Variants in MAGI2 observed in about 807,000 individuals in gnomAD.
MAGI2 encodes membrane-associated guanylate kinase, WW and PDZ domain-containing protein 2.
In MAGI2, 35 loss-of-function variants were observed where a neutral mutation model predicts 133.3. That is an observed-to-expected ratio of 0.26 (90% CI 0.20 to 0.35). MAGI2 has a LOEUF of 0.35. MAGI2 is among the 10% of genes least tolerant of loss of function. MAGI2 has a pLI of 1.00. For synonymous variants in MAGI2, 729 were observed against 710.6 expected (o/e 1.03, Z -0.41); for missense variants, 1,636 against 1,863.4 (o/e 0.88, Z 2.25).
intron 1 of MAGI2, among the ~76,000 whole-genome samples, chr7:79,383,709 T>C (rs1003711678): frequency 6.6e-6 from 1 of 151,540 alleles, no homozygotes; most frequent in Non-Finnish European, 1.5e-5. Context: ...AGGAAATCTG[T>C]TAATAGTAAA....
intron 21 of MAGI2, among the ~76,000 whole-genome samples, chr7:78,077,319 G>T (rs930035434): frequency 6.6e-6 from 1 of 151,990 alleles, no homozygotes; most frequent in African/African-American, 2.4e-5. Context: ...AGTGCAAAAG[G>T]TTATTCTATT....
chr7:78,312,689 G>C lies in MAGI2; in HGVS notation c.1408+31089C>G, dbSNP rs1404314668. Among the ~76,000 whole-genome samples, 5 of 152,098 alleles carry C rather than the reference G, an allele frequency of 3.3e-5. No individual in the cohort carries two copies. The East Asian group carries it at 9.6e-4, about 29-fold the overall frequency. On this transcript the variant is annotated intron_variant, in intron 9 of 21. Coordinates refer to ENST00000354212, the MANE Select transcript of MAGI2 (RefSeq NM_012301.4). ...AAAACGAAATGCTTATACACTGCTGGTGGGAATGTCAATTAGTTCAACTTC... is the reference window on the plus strand; with the variant it reads ...AAAACGAAATGCTTATACACTGCTGCTGGGAATGTCAATTAGTTCAACTTC...
intron 1 of MAGI2, among the ~76,000 whole-genome samples, chr7:79,118,966 A>G (rs1247335827): frequency 1.3e-5 from 2 of 152,184 alleles, no homozygotes; most frequent in East Asian, 1.9e-4. Flanking sequence ...TCAATTAAGT[A>G]GAAGTCTTTA....
At chr7:78,432,085 A>G (rs112791283) in intron 6 of MAGI2, among the ~76,000 whole-genome samples, 16,349 of 151,974 alleles carry the variant, frequency 0.11, 917 homozygotes, top group African/African-American at 0.12. Context: ...TAATTTCTTC[A>G]TACAACACAT....
intron 16 of MAGI2, among the ~76,000 whole-genome samples, chr7:78,140,837 A>G (rs1345492671): frequency 2.0e-5 from 3 of 152,258 alleles, no homozygotes; most frequent in Non-Finnish European, 4.4e-5. Flanking sequence ...TAAAGCCAAC[A>G]CATGGTATTT....
At chr7:78,284,215 C>G (rs1358377247) in intron 9 of MAGI2, among the ~76,000 whole-genome samples, 1 of 151,986 alleles carries the variant, frequency 6.6e-6, no homozygotes, top group Non-Finnish European at 1.5e-5. Flanking sequence ...TTAAACCTTC[C>G]CCTAGGCAAA....
At chr7:79,140,740 G>A (rs1822048522) in intron 1 of MAGI2, among the ~76,000 whole-genome samples, 1 of 151,930 alleles carries the variant, frequency 6.6e-6, no homozygotes, top group East Asian at 1.9e-4. Flanking sequence ...CTCTTAATAT[G>A]GCTTTGATCT....
intron 2 of MAGI2, among the ~76,000 whole-genome samples, chr7:78,645,234 A>C (rs1306854687): frequency 6.6e-6 from 1 of 152,142 alleles, no homozygotes; most frequent in Non-Finnish European, 1.5e-5. Flanking sequence ...ATATTTAAGA[A>C]AGAAATAATG....
intron 1 of MAGI2, among the ~76,000 whole-genome samples, chr7:79,278,248 C>T (rs916175708): frequency 1.3e-5 from 2 of 152,272 alleles, no homozygotes; most frequent in South Asian, 4.1e-4. Context: ...GCCTGCTCCT[C>T]CTTCACCTTC....
At chr7:78,909,607 A>C (rs1420540881) in intron 2 of MAGI2, among the ~76,000 whole-genome samples, 1 of 149,558 alleles carries the variant, frequency 6.7e-6, no homozygotes, top group Non-Finnish European at 1.5e-5. Context: ...CATCTCAAAA[A>C]AAAAAAAAAA....
chr7:78,913,813 T>A (rs181227037), intron 2 of MAGI2, among the ~76,000 whole-genome samples: 48 of 152,260 alleles, frequency 3.2e-4, no homozygotes, highest in African/African-American at 1.1e-3. Flanking sequence ...GACATTTTTT[T>A]AAAAAAGGAA....
intron 9 of MAGI2, among the ~76,000 whole-genome samples, chr7:78,300,111 C>T (rs1358241182): frequency 6.6e-6 from 1 of 152,210 alleles, no homozygotes; most frequent in African/African-American, 2.4e-5. Context: ...TTGTTATCCA[C>T]AAAAATCACA....
chr7:79,390,878 C>T (rs562715735), intron 1 of MAGI2, among the ~76,000 whole-genome samples: 72 of 152,312 alleles, frequency 4.7e-4, no homozygotes, highest in Non-Finnish European at 8.2e-4. Context: ...AAAGAGCCTA[C>T]AGTACATTGT....
At chr7:79,047,981 C>G (rs1584785393) in intron 1 of MAGI2, among the ~76,000 whole-genome samples, 2 of 152,078 alleles carry the variant, frequency 1.3e-5, no homozygotes, top group Non-Finnish European at 2.9e-5. Context: ...TGTAAGTTTC[C>G]CACTACGATG....
intron 1 of MAGI2, among the ~76,000 whole-genome samples, chr7:79,441,188 A>G (rs1012987353): frequency 6.6e-6 from 1 of 152,234 alleles, no homozygotes; most frequent in Non-Finnish European, 1.5e-5. Flanking sequence ...AAACATGTGG[A>G]TACTTGAACA....
chr7:78,631,678 A>G (rs993638328), intron 2 of MAGI2, among the ~76,000 whole-genome samples: 2 of 152,206 alleles, frequency 1.3e-5, no homozygotes, highest in Admixed American at 6.5e-5. Flanking sequence ...ATGTGAGAAG[A>G]CATAATGTAA....
intron 9 of MAGI2, among the ~76,000 whole-genome samples, chr7:78,286,463 A>G (rs1319622056): frequency 6.6e-6 from 1 of 152,172 alleles, no homozygotes; most frequent in Non-Finnish European, 1.5e-5. Flanking sequence ...AAGGCGTCAT[A>G]GAAGAATTGA....
chr7:78,673,956 G>T (rs75946590), intron 2 of MAGI2, among the ~76,000 whole-genome samples: 7,662 of 152,200 alleles, frequency 0.05, 287 homozygotes, highest in East Asian at 0.14. Flanking sequence ...TATTGGACAT[G>T]ATGTAGTTAA....
At chr7:78,591,892 A>C (rs1804041492) in intron 3 of MAGI2, among the ~76,000 whole-genome samples, 1 of 152,244 alleles carries the variant, frequency 6.6e-6, no homozygotes. Flanking sequence ...AGATGTTACA[A>C]ACAATAAAAG....
Sources: allele counts gnomAD v4.1 joint callset (sites outside exome capture counted in the v4.1 genomes callset), GRCh38; gene constraint gnomAD v4.1.1; transcripts MANE v1.5; gene names NCBI Gene and HGNC (gene_info 2026-07-23, HGNC 2026-07-21).